Variants in DEUP1 observed in about 807,000 individuals in gnomAD.
DEUP1 encodes the protein coiled-coil domain containing 67.
Under a neutral mutation model 87.4 loss-of-function variants are expected in DEUP1, and 82 were observed. The observed-to-expected ratio is 0.94, with a 90% CI of 0.78 to 1.13. The LOEUF is 1.13. Ranked by LOEUF, DEUP1 falls within the 50% of genes most tolerant of loss-of-function variation. DEUP1 has a pLI of 0.00. For synonymous variants in DEUP1, 214 were observed against 222.7 expected (o/e 0.96, Z 0.35); for missense variants, 663 against 681.5 (o/e 0.97, Z 0.30).
intron 11 of DEUP1, among the ~76,000 whole-genome samples, chr11:93,399,301 A>T (rs1947042466): frequency 6.6e-6 from 1 of 151,918 alleles, no homozygotes; most frequent in African/African-American, 2.4e-5. Flanking sequence ...CCAAATTTAA[A>T]TTTTTATGTA....
At position 93,415,012 on chromosome 11, in the gene DEUP1, C is replaced by T. The variant is rs977738520; in HGVS notation, c.1536C>T (p.Asp512=). Residue 512 remains aspartate, a synonymous_variant, in exon 13 of 14, where the codon GAC becomes GAT. Coordinates refer to ENST00000298050, the MANE Select transcript of DEUP1 (RefSeq NM_181645.4). ...TCTTCTCTTTTAGACTTAGTCATGA[C>T]TGTGAGCCAAACAGAAGTACAATGC... ...VEQNEERLSH[D]CEPNRSTMPP... The T allele has an allele frequency of 1.2e-5, 19 of 1,576,002 alleles. No individual in the cohort carries two copies. The highest frequency in any genetic ancestry group is 1.5e-5 in the Non-Finnish European group (18 of 1,163,902).
intron 2 of DEUP1, among the ~76,000 whole-genome samples, chr11:93,354,502 T>C (rs1261202970): frequency 6.6e-6 from 1 of 152,176 alleles, no homozygotes; most frequent in African/African-American, 2.4e-5. Flanking sequence ...CTGGTACCAA[T>C]TTACTGTATT....
At chr11:93,413,159 C>T (rs1031164658) in intron 12 of DEUP1, among the ~76,000 whole-genome samples, 1 of 151,616 alleles carries the variant, frequency 6.6e-6, no homozygotes, top group Non-Finnish European at 1.5e-5. Context: ...AAGGGCTAAT[C>T]AATACCTGTG....
chr11:93,375,118 C>T (rs2925362), intron 7 of DEUP1, among the ~76,000 whole-genome samples: 120,787 of 150,826 alleles, frequency 0.8, 48,479 homozygotes, highest in East Asian at 0.89. Flanking sequence ...ATAGCAGTGC[C>T]ACTGATTTTT....
intron 13 of DEUP1, among the ~76,000 whole-genome samples, chr11:93,418,621 TG>T (rs1346156820): frequency 1.3e-5 from 2 of 151,818 alleles, no homozygotes; most frequent in Non-Finnish European, 2.9e-5. Context: ...GAAGTCAGTG[TG>T]GCGATTCCTC....
intron 11 of DEUP1, among the ~76,000 whole-genome samples, chr11:93,400,873 C>T (rs779760335): frequency 3.0e-4 from 45 of 152,036 alleles, no homozygotes; most frequent in Non-Finnish European, 7.4e-5. Flanking sequence ...AGCCTTTCCT[C>T]CAAGATCTGG....
intron 13 of DEUP1, among the ~76,000 whole-genome samples, chr11:93,431,218 T>A (rs1948097627): frequency 6.6e-6 from 1 of 151,718 alleles, no homozygotes; most frequent in African/African-American, 2.4e-5. Flanking sequence ...TTAGGTTGAG[T>A]AGCCAGGAAA....
chr11:93,346,560 T>A (rs11020273), intron 2 of DEUP1, among the ~76,000 whole-genome samples: 1,854 of 152,256 alleles, frequency 0.012, 28 homozygotes, highest in African/African-American at 0.041. Flanking sequence ...TTCTTTCTGT[T>A]TTTTTCTAGT....
intron 5 of DEUP1, among the ~76,000 whole-genome samples, chr11:93,369,649 C>CTTTTTTTTTCTCA (rs1591157599): frequency 0.055 from 4,073 of 73,522 alleles, 1,835 homozygotes; most frequent in East Asian, 0.09. Flanking sequence ...AATGGATTTA[C>CTTTTTTTTTCTCA]GGCCGGGCGC....
chr11:93,331,754 T>C (rs1157011877), intron 1 of DEUP1, among the ~76,000 whole-genome samples: 1 of 152,192 alleles, frequency 6.6e-6, no homozygotes, highest in Non-Finnish European at 1.5e-5. Context: ...AATAAATCAC[T>C]AAGTCAATAT....
chr11:93,414,337 C>T (rs183802360), intron 12 of DEUP1, among the ~76,000 whole-genome samples: 1 of 152,146 alleles, frequency 6.6e-6, no homozygotes, highest in East Asian at 1.9e-4. Context: ...CATGGTGAAG[C>T]CCCATCTCTA....
Position 93,415,119 on chromosome 11 carries a change from G to C in DEUP1, c.1638+5G>C. 1.3e-6 allele frequency: 2 copies of C among 1,582,068 alleles called. No individual in the cohort carries two copies. The highest frequency in any genetic ancestry group is 1.7e-6 in the Non-Finnish European group (2 of 1,153,490). On this transcript the variant is annotated splice_donor_5th_base_variant and intron_variant, in intron 13 of 13. Transcript: ENST00000298050. ...GATGATGATGTATTCCCACTGGTGA[G>C]TTGCTGGTTGTGGGCTTTTTTTTTC...
At chr11:93,412,588 T>C (rs1231629648) in intron 12 of DEUP1, among the ~76,000 whole-genome samples, 2 of 152,168 alleles carry the variant, frequency 1.3e-5, no homozygotes. Flanking sequence ...ACTTTATCTG[T>C]ACATCCAAAG....
chr11:93,342,476 A>G (rs577006239), intron 2 of DEUP1, among the ~76,000 whole-genome samples: 13 of 152,340 alleles, frequency 8.5e-5, no homozygotes, highest in African/African-American at 3.1e-4. Context: ...AGTTTTGTCC[A>G]CAGGAAACCA....
chr11:93,432,826 GA>G (rs1948143734), intron 13 of DEUP1, among the ~76,000 whole-genome samples: 1 of 152,182 alleles, frequency 6.6e-6, no homozygotes, highest in African/African-American at 2.4e-5. Context: ...AAGCATGCTG[GA>G]AGGATGATGG....
chr11:93,416,716 G>C lies in DEUP1; in HGVS notation c.1638+1602G>C, dbSNP rs574413741. On this transcript the variant is annotated intron_variant, in intron 13 of 13. Coordinates refer to ENST00000298050, the MANE Select transcript of DEUP1 (RefSeq NM_181645.4). ...CATCCTGATACCAAAGCCTGGCAGAGACACAACCAAATAAGAGAATTTTAG... is the reference window on the plus strand; with the variant it reads ...CATCCTGATACCAAAGCCTGGCAGACACACAACCAAATAAGAGAATTTTAG... Among the ~76,000 whole-genome samples, 3 of 151,872 alleles carry C rather than the reference G, an allele frequency of 2.0e-5. No homozygotes were observed. In the East Asian group the frequency reaches 5.9e-4, roughly 30 times the overall value.
intron 2 of DEUP1, among the ~76,000 whole-genome samples, chr11:93,351,235 C>CCATT (rs1159524030): frequency 1.3e-5 from 2 of 151,996 alleles, no homozygotes; most frequent in African/African-American, 2.4e-5. Flanking sequence ...AGGAAATAAA[C>CCATT]CATTCATTCA....
At chr11:93,370,939 A>T (rs1031429993) in intron 6 of DEUP1, 99 bp from the exon 7 acceptor site, 1 of 1,076,238 alleles carries the variant, frequency 9.3e-7, no homozygotes, top group Non-Finnish European at 1.3e-6. Context: ...TAACATATTT[A>T]AAGATATTCC....
At chr11:93,342,774 G>A (rs1944144600) in intron 2 of DEUP1, among the ~76,000 whole-genome samples, 1 of 152,202 alleles carries the variant, frequency 6.6e-6, no homozygotes. Flanking sequence ...TCGGACCAAG[G>A]TTTATCACTG....
Sources: gnomAD v4.1 joint callset for allele counts (sites outside exome capture counted in the v4.1 genomes callset) on GRCh38, gnomAD v4.1.1 for gene constraint, MANE v1.5 for transcripts, NCBI Gene and HGNC (gene_info 2026-07-23, HGNC 2026-07-21) for gene names.